MEGF9: variants seen among roughly 807,000 people sequenced by gnomAD.
MEGF9 encodes the protein multiple epidermal growth factor-like domains protein 9.
MEGF9 carries 6 observed loss-of-function variants against 46.8 expected under a neutral mutation model. The ratio of observed to expected loss-of-function variants is 0.13; its 90% CI spans 0.07 to 0.25. MEGF9 has a LOEUF of 0.25. Ranked by LOEUF, MEGF9 falls within the 10% of genes least tolerant of loss-of-function variation. The pLI, the probability that MEGF9 is intolerant of heterozygous loss-of-function variation, is 1.00. For missense variants in MEGF9, 683 were observed against 792.4 expected (o/e 0.86, Z 1.66); for synonymous variants, 302 against 330.7 (o/e 0.91, Z 0.94).
At chr9:120,617,211 G>A (rs1280869334) in intron 3 of MEGF9, among the ~76,000 whole-genome samples, 1 of 152,102 alleles carries the variant, frequency 6.6e-6, no homozygotes, top group Non-Finnish European at 1.5e-5. Flanking sequence ...TCTTTGTAGA[G>A]ATAACCAAGA....
intron 2 of MEGF9, among the ~76,000 whole-genome samples, chr9:120,648,309 T>A (rs902352632): frequency 6.6e-6 from 1 of 151,638 alleles, no homozygotes; most frequent in Non-Finnish European, 1.5e-5. Flanking sequence ...GAATATCTAG[T>A]ATGTGCCAAT....
chr9:120,631,892 C>G (rs1054545679), intron 2 of MEGF9, among the ~76,000 whole-genome samples: 2 of 152,008 alleles, frequency 1.3e-5, no homozygotes, highest in African/African-American at 4.8e-5. Context: ...ATTAATTCTT[C>G]TTCTCCTTCT....
At chr9:120,650,708 T>C (rs765947108) in intron 2 of MEGF9, among the ~76,000 whole-genome samples, 3 of 152,244 alleles carry the variant, frequency 2.0e-5, no homozygotes, top group Non-Finnish European at 2.9e-5. Flanking sequence ...TCCACTTTTC[T>C]ACTCTCATTT....
intron 3 of MEGF9, among the ~76,000 whole-genome samples, chr9:120,613,471 G>A (rs1042574954): frequency 4.0e-5 from 6 of 151,446 alleles, no homozygotes; most frequent in African/African-American, 1.5e-4. Context: ...ATGTCAAAAT[G>A]TTAATCTTTA....
intron 1 of MEGF9, chr9:120,689,878 A>AC (rs1411416445): frequency 4.0e-6 from 2 of 500,906 alleles, no homozygotes; most frequent in South Asian, 3.0e-5. Flanking sequence ...TTATGTCAAT[A>AC]CCTGATAACA....
intron 2 of MEGF9, among the ~76,000 whole-genome samples, chr9:120,654,418 G>T (rs974444360): frequency 1.3e-4 from 20 of 152,158 alleles, no homozygotes; most frequent in Admixed American, 7.2e-4. Context: ...GGTCCCTTAA[G>T]ATTATAATGA....
intron 2 of MEGF9, 48 bp from the exon 3 acceptor site, chr9:120,622,803 G>A (rs1307911640): frequency 6.3e-7 from 1 of 1,597,306 alleles, no homozygotes; most frequent in Non-Finnish European, 8.6e-7. Flanking sequence ...CAATTTAAAA[G>A]TTGTATTGAG....
chr9:120,702,279 G>A (rs2043909046), intron 1 of MEGF9, among the ~76,000 whole-genome samples: 1 of 152,128 alleles, frequency 6.6e-6, no homozygotes, highest in African/African-American at 2.4e-5. Flanking sequence ...CCCTGATATA[G>A]ATCAAACTTG....
intron 2 of MEGF9, among the ~76,000 whole-genome samples, chr9:120,652,687 A>G (rs1325162118): frequency 6.6e-6 from 1 of 151,856 alleles, no homozygotes; most frequent in Non-Finnish European, 1.5e-5. Context: ...TAATAGTCAT[A>G]TATATTTATA....
chr9:120,672,921 A>G (rs2043756346), intron 1 of MEGF9, among the ~76,000 whole-genome samples: 1 of 152,014 alleles, frequency 6.6e-6, no homozygotes, highest in Non-Finnish European at 1.5e-5. Context: ...TACTCGGGAG[A>G]CTGAGGCAGG....
At chr9:120,667,645 G>C (rs546482929) in intron 1 of MEGF9, among the ~76,000 whole-genome samples, 1 of 152,254 alleles carries the variant, frequency 6.6e-6, no homozygotes, top group East Asian at 1.9e-4. Context: ...CCTGATTTCT[G>C]AATTGAAAAG....
At position 120,603,641 on chromosome 9, in the gene MEGF9, T is replaced by G. The variant is rs184197597; in HGVS notation, c.*1549A>C. On this transcript the variant is annotated 3_prime_UTR_variant, in exon 6 of 6. Coordinates refer to ENST00000373930, the MANE Select transcript of MEGF9 (RefSeq NM_001080497.3). The stretch of plus-strand genomic sequence containing the variant: ...CTCCTAATAAGTTATATTTAACATC[T>G]GACCACCTTTCCCACCCACCTTGCT... 2.6e-5 allele frequency: 4 copies of G among 152,370 alleles called. No homozygotes were observed. The East Asian group carries it at 7.7e-4, about 29-fold the overall frequency. 9.4% of individuals were successfully genotyped at this position (152,370 alleles called of 1,614,324 possible).
chr9:120,693,933 A>G (rs892681296), intron 1 of MEGF9, among the ~76,000 whole-genome samples: 2 of 152,192 alleles, frequency 1.3e-5, no homozygotes, highest in Non-Finnish European at 2.9e-5. Context: ...CTAAAAAAAA[A>G]AAAATAAAGG....
chr9:120,642,572 G>C (rs1587982080), intron 2 of MEGF9, among the ~76,000 whole-genome samples: 1 of 152,310 alleles, frequency 6.6e-6, no homozygotes, highest in South Asian at 2.1e-4. Flanking sequence ...ATTTCCTTCT[G>C]TTCCTCCTGC....
rs1412806219 is a variant in MEGF9, at chr9:120,659,543, G to A, written c.634C>T (p.Leu212=). 6.2e-7 allele frequency: 1 copy of A among 1,613,162 alleles called. No individual in the cohort carries two copies. The highest frequency in any genetic ancestry group is 8.5e-7 in the Non-Finnish European group (1 of 1,179,578). Residue 212 remains leucine, a synonymous_variant, in exon 2 of 6, where the codon CTG becomes TTG. Coordinates refer to ENST00000373930, the MANE Select transcript of MEGF9 (RefSeq NM_001080497.3). ...GTCTGGTTGCAGCGATTCACATTCA[G>A]GCTTCCAACCACAGAGCAGTTACAT... ...YVCNCSVVGS[L]NVNRCNQTTG...
At chr9:120,612,352 A>AT (rs761613115) in intron 4 of MEGF9, 44 bp downstream of exon 4, 121 of 1,574,920 alleles carry the variant, frequency 7.7e-5, no homozygotes, top group South Asian at 1.5e-4. Flanking sequence ...TTGATAACTG[A>AT]TTTTTTTTTC....
rs1246305447 is a variant in MEGF9 at position 120,604,405 on chromosome 9, T to C, written c.*785A>G. 1.3e-5 allele frequency: 2 copies of C among 148,188 alleles called. No homozygotes were observed. The highest frequency in any genetic ancestry group is 5.3e-5 in the African/African-American group (2 of 37,698). 9.2% of individuals were successfully genotyped at this position (148,188 alleles called of 1,614,324 possible). On this transcript the variant is annotated 3_prime_UTR_variant, in exon 6 of 6. Transcript: ENST00000373930. ...TCCAGATGATAAAATATGACATGAT[T>C]TTTTTTTTACAAATAGATACAAATA...
chr9:120,702,140 T>C (rs2043908398), intron 1 of MEGF9, among the ~76,000 whole-genome samples: 1 of 152,202 alleles, frequency 6.6e-6, no homozygotes, highest in Non-Finnish European at 1.5e-5. Context: ...CTGCTGAAGG[T>C]CTCAGTTAAA....
At chr9:120,652,888 T>A (rs902013633) in intron 2 of MEGF9, among the ~76,000 whole-genome samples, 2 of 152,172 alleles carry the variant, frequency 1.3e-5, no homozygotes, top group African/African-American at 2.4e-5. Flanking sequence ...ATCAGAAAAA[T>A]CCTTCATGTT....
Sources: gnomAD v4.1 joint callset for allele counts (sites outside exome capture counted in the v4.1 genomes callset) on GRCh38, gnomAD v4.1.1 for gene constraint, MANE v1.5 for transcripts, NCBI Gene and HGNC (gene_info 2026-07-23, HGNC 2026-07-21) for gene names.